Variants in PTRH1 observed in about 807,000 individuals in gnomAD.
The protein encoded by PTRH1 is peptidyl-tRNA hydrolase 1 homolog.
PTRH1 carries 13 observed loss-of-function variants against 15.7 expected under a neutral mutation model. That is an observed-to-expected ratio of 0.83 (90% confidence interval 0.54 to 1.31). PTRH1 has a LOEUF of 1.31. Among genes scored for constraint, PTRH1 ranks in the 40% most tolerant of loss-of-function variants. The pLI is 0.00. For missense variants in PTRH1, 319 were observed against 296.2 expected (o/e 1.08, Z -0.56); for synonymous variants, 139 against 136.7 (o/e 1.02, Z -0.12).
intron 2 of PTRH1, 34 bp downstream of exon 2, chr9:127,714,941 G>GGCCCCCCCCCCCC: frequency 1.1e-5 from 5 of 446,378 alleles, no homozygotes; most frequent in Non-Finnish European, 2.0e-5. Flanking sequence ...CACCCCCTTG[G>GGCCCCCCCCCCCC]CCCGCCCGCC....
chr9:127,702,024 C>A (rs1252902572), intron 1 of PTRH1, among the ~76,000 whole-genome samples: 1 of 151,722 alleles, frequency 6.6e-6, no homozygotes, highest in Non-Finnish European at 1.5e-5. Flanking sequence ...AAGTTCGAGA[C>A]GAGCCTGGGC....
downstream of PTRH1, chr9:127,711,327 A>C: frequency 1.2e-6 from 2 of 1,614,208 alleles, no homozygotes; most frequent in Non-Finnish European, 1.7e-6. Flanking sequence ...CGGGCCATCA[A>C]AGAGAACAAC....
At chr9:127,713,429 CT>C, downstream of PTRH1, 1 of 483,230 alleles carries the variant, frequency 2.1e-6, no homozygotes, top group South Asian at 4.1e-5. Context: ...CTGTTCTTCC[CT>C]CCCCCACCAG....
Position 127,715,521 on chromosome 9 carries a change from C to A in PTRH1, c.96+23G>T. 1 of 1,613,162 alleles carries A rather than the reference C, an allele frequency of 6.2e-7. No homozygotes were observed. The highest frequency in any genetic ancestry group is 8.5e-7 in the Non-Finnish European group (1 of 1,179,964). On this transcript the variant is annotated intron_variant, in intron 1 of 4. Transcript: ENST00000543175. The surrounding 1 kb of genome is among the most constrained non-coding windows in gnomAD (Gnocchi z 5.8). Reference sequence around the variant, plus strand: ...TGAAGCTAGGGACCGGGAGCCCCTACGTCGCCGCCCCACGCCACTCACCAT... The same window carrying A: ...TGAAGCTAGGGACCGGGAGCCCCTAAGTCGCCGCCCCACGCCACTCACCAT...
chr9:127,697,907 A>G (rs1368860874), intron 1 of PTRH1, among the ~76,000 whole-genome samples: 1 of 152,200 alleles, frequency 6.6e-6, no homozygotes, highest in African/African-American at 2.4e-5. Flanking sequence ...GATGACACCA[A>G]AAGCACAGAC....
chr9:127,714,613 C>G lies in PTRH1; in HGVS notation c.406G>C (p.Gly136Arg). Residue 136 changes from glycine (G) to arginine (R), a missense_variant, in exon 3 of 5, where the codon GGC (glycine) becomes CGC (arginine). Physicochemically the swap from Gly to Arg is moderately radical, Grantham distance 125. Coordinates refer to ENST00000543175, the MANE Select transcript of PTRH1 (RefSeq NM_001002913.3). ...PLGRLALKLG[G>R]SARGHNGVRS... is the part of the protein sequence containing the mutation. ...ATCTCAGGACCTCACCTGGCACTGCCCCCCAGCTTCAGAGCCAGTCTCCCC... is the reference window on the plus strand; with the variant it reads ...ATCTCAGGACCTCACCTGGCACTGCGCCCCAGCTTCAGAGCCAGTCTCCCC... 1 of 1,613,804 alleles carries G rather than the reference C, an allele frequency of 6.2e-7. No individual in the cohort carries two copies. The highest frequency in any genetic ancestry group is 8.5e-7 in the Non-Finnish European group (1 of 1,179,772).
In PTRH1 at chr9:127,715,646, CCCAT is replaced by C. The variant is rs950202064; in HGVS notation, c.-11_-8del. The C allele has an allele frequency of 1.9e-6, 3 of 1,610,522 alleles. No homozygotes were observed. Among genetic ancestry groups the C allele is most frequent in the Non-Finnish European group, 2.5e-6 (3 of 1,179,542 alleles). ...AAAAGCCGCCCGGCCTCATGCTGCC[CCCAT>C]TCACTCCGACACCGCCCCCTGACGT... On this transcript the variant is annotated 5_prime_UTR_variant, in exon 1 of 5. The change abolishes an upstream ATG in the 5' untranslated region. Transcript: ENST00000543175. This position sits in a 1 kb window ranked among gnomAD's most constrained non-coding sequence, Gnocchi z 5.8.
chr9:127,704,402 G>A (rs777781009), intron 1 of PTRH1, among the ~76,000 whole-genome samples: 1 of 151,670 alleles, frequency 6.6e-6, no homozygotes, highest in Non-Finnish European at 1.5e-5. Context: ...CCAGCTACTC[G>A]GGAGGCTGAG....
chr9:127,711,810 G>A (rs772667243), downstream of PTRH1: 13 of 1,556,238 alleles, frequency 8.4e-6, no homozygotes, highest in South Asian at 8.3e-5. Flanking sequence ...CCACCTGTCC[G>A]CACCCGCAGA....
intron 1 of PTRH1, chr9:127,707,307 A>G: frequency 8.8e-7 from 1 of 1,140,434 alleles, no homozygotes. Context: ...CTCCCCTGGG[A>G]TGTCCAGACC....
chr9:127,714,106 C>G lies in PTRH1; in HGVS notation c.639G>C (p.Gly213=). The change falls in exon 5 of 5, where the codon GGG becomes GGC. Residue 213 remains glycine (G), a synonymous_variant. Coordinates refer to ENST00000543175, the MANE Select transcript of PTRH1 (RefSeq NM_001002913.3). ...GCAGCCATGGCCACTAGTGTCACGG[C>G]CCCAGTGAGGGCCCCTGGCTTCGCT... ...IRERSQGPSL[G]P 6.2e-7 allele frequency: 1 copy of G among 1,612,444 alleles called. No homozygotes were observed. Among genetic ancestry groups the G allele is most frequent in the Non-Finnish European group, 8.5e-7 (1 of 1,179,538 alleles).
In PTRH1 at chr9:127,715,501, C is replaced by A; in HGVS notation, c.96+43G>T. 6.2e-7 allele frequency: 1 copy of A among 1,612,166 alleles called. No homozygotes were observed. On this transcript the variant is annotated intron_variant, in intron 1 of 4. Coordinates refer to ENST00000543175, the MANE Select transcript of PTRH1 (RefSeq NM_001002913.3). This position sits in a 1 kb window ranked among gnomAD's most constrained non-coding sequence, Gnocchi z 5.8. ...CCGGGACATAATGGCCGAACTGAAGCTAGGGACCGGGAGCCCCTACGTCGC... is the reference window on the plus strand; with the variant it reads ...CCGGGACATAATGGCCGAACTGAAGATAGGGACCGGGAGCCCCTACGTCGC...
chr9:127,714,246 C>G lies in PTRH1; in HGVS notation c.499G>C (p.Ala167Pro). The part of the protein sequence containing the change: ...PRLRVGIGRP[A>P]HPEAVQAHVL... ...TGGGCCTGAACCGCCTCAGGGTGCG[C>G]CGGGCGCCCGATACCCACCCGCAGC... is the stretch of plus-strand genomic sequence containing the variant. Residue 167 changes from alanine to proline, a missense_variant, in exon 5 of 5, where the codon GCG becomes CCG. Ala to Pro is a conservative substitution (Grantham distance 27). Coordinates refer to ENST00000543175, the MANE Select transcript of PTRH1 (RefSeq NM_001002913.3). 2 of 1,613,958 alleles carry G rather than the reference C, an allele frequency of 1.2e-6. No homozygotes were observed. Among genetic ancestry groups the G allele is most frequent in the Non-Finnish European group, 1.7e-6 (2 of 1,180,006 alleles).
rs1209363713 is a variant in PTRH1, at chr9:127,715,383, G to C, written c.96+161C>G. The C allele has an allele frequency of 2.3e-6, 3 of 1,277,376 alleles. No homozygotes were observed. Among genetic ancestry groups the C allele is most frequent in the South Asian group, 2.5e-5 (2 of 79,020 alleles). 79.1% of individuals were successfully genotyped at this position (1,277,376 alleles called of 1,614,324 possible). On this transcript the variant is annotated intron_variant, in intron 1 of 4. Transcript: ENST00000543175. This position sits in a 1 kb window ranked among gnomAD's most constrained non-coding sequence, Gnocchi z 5.8. ...AAGGCTGGGCAGGCAGGGCGCCCTA[G>C]TGCAGGAACGGAGCTTCAAGAAGTT...
At chr9:127,710,969 G>A (rs531810174), downstream of PTRH1, among the ~76,000 whole-genome samples, 2 of 152,296 alleles carry the variant, frequency 1.3e-5, no homozygotes, top group African/African-American at 4.8e-5. Context: ...CGCTGGCATT[G>A]GAGACTCCCA....
intron 1 of PTRH1, chr9:127,707,108 T>C (rs200895054): frequency 4.1e-5 from 66 of 1,613,668 alleles, no homozygotes; most frequent in Non-Finnish European, 1.3e-5. Context: ...AAGGAGCCGG[T>C]GGTGGCCGTG....
rs768564866 is a variant in PTRH1, at chr9:127,715,257, C to G, written c.97-63G>C. 6.7e-7 allele frequency: 1 copy of G among 1,484,062 alleles called. No homozygotes were observed. The highest frequency in any genetic ancestry group is 1.2e-5 in the South Asian group (1 of 82,946). The allele number at this position is 1,484,062 out of a possible 1,614,324, so 91.9% of individuals were successfully genotyped here. ...CTCGCCACCCCCGATCTCACAGCGTCCCGTGGGCCCCAACGCAGAGGAGCG... is the reference window on the plus strand; with the variant it reads ...CTCGCCACCCCCGATCTCACAGCGTGCCGTGGGCCCCAACGCAGAGGAGCG... On this transcript the variant is annotated intron_variant, in intron 1 of 4. Coordinates refer to ENST00000543175, the MANE Select transcript of PTRH1 (RefSeq NM_001002913.3). This position sits in a 1 kb window ranked among gnomAD's most constrained non-coding sequence, Gnocchi z 5.8.
Position 127,713,914 on chromosome 9 carries a change from GAGA to G in PTRH1, c.*183_*185del, listed in dbSNP as rs1842830758. On this transcript the variant is annotated 3_prime_UTR_variant, in exon 5 of 5. Transcript: ENST00000543175. ...CCCTACGTCCCAAGTAGGACACAGA[GAGA>G]AGAACCTACTCCAGAAATGGACTGG... The G allele has an allele frequency of 6.2e-7, 1 of 1,612,952 alleles. No homozygotes were observed. The highest frequency in any genetic ancestry group is 1.7e-5 in the Admixed American group (1 of 60,012).
downstream of PTRH1, chr9:127,710,646 A>T (rs915256378): frequency 3.1e-6 from 5 of 1,587,336 alleles, no homozygotes; most frequent in South Asian, 3.4e-5. Flanking sequence ...CAGAAAGAGG[A>T]GGTCACGGAC....
Sources: gnomAD v4.1 joint callset for allele counts (sites outside exome capture counted in the v4.1 genomes callset) on GRCh38, gnomAD v4.1.1 for gene constraint, Gnocchi (gnomAD v3.1) non-coding constraint, MANE v1.5 for transcripts, NCBI Gene and HGNC (gene_info 2026-07-23, HGNC 2026-07-21) for gene names.